The following CNTN4 variants were observed in gnomAD, a reference collection of about 807,000 sequenced individuals.
CNTN4 encodes contactin 4.
A neutral mutation model predicts 122.5 loss-of-function variants in CNTN4; 77 were observed. That is an observed-to-expected ratio of 0.63 (90% CI 0.52 to 0.76). The LOEUF (loss-of-function observed/expected upper bound fraction) is 0.76, where lower values mean the gene tolerates loss of function less well. CNTN4 is among the 30% of genes least tolerant of loss of function. The pLI, the probability that CNTN4 is intolerant of heterozygous loss-of-function variation, is 0.00. For missense variants in CNTN4, 1,256 were observed against 1,259.1 expected (o/e 1.00, Z 0.04); for synonymous variants, 512 against 447.0 (o/e 1.15, Z -1.83).
chr3:2,484,405 C>G (rs2076087980), intron 3 of CNTN4, among the ~76,000 whole-genome samples: 1 of 152,250 alleles, frequency 6.6e-6, no homozygotes, highest in African/African-American at 2.4e-5. Context: ...AGAGGAACTG[C>G]AAATGGCCTA....
intron 4 of CNTN4, among the ~76,000 whole-genome samples, chr3:2,660,594 G>C (rs1294503129): frequency 6.6e-6 from 1 of 152,206 alleles, no homozygotes; most frequent in African/African-American, 2.4e-5. Flanking sequence ...TTAAAAAAGA[G>C]AATTTAAAGC....
intron 2 of CNTN4, among the ~76,000 whole-genome samples, chr3:2,302,857 G>C (rs1200681880): frequency 7.5e-6 from 1 of 132,478 alleles, no homozygotes; most frequent in Non-Finnish European, 1.6e-5. Context: ...CAAGCACACT[G>C]TATGTGCTTC....
chr3:2,817,715 C>G (rs2092770191), intron 6 of CNTN4, among the ~76,000 whole-genome samples: 1 of 152,124 alleles, frequency 6.6e-6, no homozygotes, highest in Non-Finnish European at 1.5e-5. Flanking sequence ...ATTTTTCATG[C>G]AACTCTGGAA....
chr3:2,966,469 A>G (rs1264365591), intron 13 of CNTN4, among the ~76,000 whole-genome samples: 1 of 152,178 alleles, frequency 6.6e-6, no homozygotes, highest in East Asian at 1.9e-4. Context: ...TAGAATAACA[A>G]TTACCAGAAG....
Position 2,745,529 on chromosome 3 carries a change from T to A in CNTN4, c.190T>A (p.Leu64Ile). Residue 64 changes from leucine (L) to isoleucine (I), a missense_variant, in exon 6 of 25, where the codon TTA (leucine) becomes ATA (isoleucine). Physicochemically the swap from Leu to Ile is conservative, Grantham distance 5 (BLOSUM62 2). Coordinates refer to ENST00000418658, the MANE Select transcript of CNTN4 (RefSeq NM_175607.3). ...GGCATTTTTATACTATAGGTGGAAG[T>A]TAAATGGAACAGATGTTGACACTGG... ...GNPKPHIRWK[L>I]NGTDVDTGMD... 1 of 1,613,894 alleles carries A rather than the reference T, an allele frequency of 6.2e-7. No homozygotes were observed. Among genetic ancestry groups the A allele is most frequent in the Middle Eastern group, 1.6e-4 (1 of 6,062 alleles).
intron 3 of CNTN4, among the ~76,000 whole-genome samples, chr3:2,427,496 G>A (rs2047885711): frequency 6.6e-6 from 1 of 152,098 alleles, no homozygotes; most frequent in African/African-American, 2.4e-5. Flanking sequence ...TTCCAACTTT[G>A]TGGTCAATTT....
intron 5 of CNTN4, among the ~76,000 whole-genome samples, chr3:2,744,057 T>C (rs922254265): frequency 6.6e-6 from 1 of 152,206 alleles, no homozygotes; most frequent in African/African-American, 2.4e-5. Context: ...TCAAGAGACC[T>C]GCCTGCTTCA....
chr3:2,671,397 G>A (rs1371404127), intron 4 of CNTN4, among the ~76,000 whole-genome samples: 1 of 152,112 alleles, frequency 6.6e-6, no homozygotes, highest in Non-Finnish European at 1.5e-5. Context: ...ACTGAAGCTT[G>A]TGCGTTCGTC....
At chr3:2,471,729 T>G (rs1035084537) in intron 3 of CNTN4, among the ~76,000 whole-genome samples, 1 of 152,108 alleles carries the variant, frequency 6.6e-6, no homozygotes, top group Non-Finnish European at 1.5e-5. Context: ...TTAAAAAAGC[T>G]CTCCTCTAAA....
chr3:2,485,078 G>C (rs1181876549), intron 3 of CNTN4, among the ~76,000 whole-genome samples: 1 of 152,220 alleles, frequency 6.6e-6, no homozygotes, highest in East Asian at 1.9e-4. Context: ...GGTGCGCCGG[G>C]TCCCCCAGCA....
chr3:2,738,749 C>T (rs1159758438), intron 5 of CNTN4, among the ~76,000 whole-genome samples: 1 of 152,060 alleles, frequency 6.6e-6, no homozygotes, highest in Non-Finnish European at 1.5e-5. Flanking sequence ...GCGCAGCATA[C>T]ACAAAAATCA....
At chr3:2,290,440 G>A (rs901382817) in intron 2 of CNTN4, among the ~76,000 whole-genome samples, 2 of 152,166 alleles carry the variant, frequency 1.3e-5, no homozygotes, top group Non-Finnish European at 2.9e-5. Context: ...TGTTAATGAA[G>A]TACTTAGTAA....
At chr3:2,337,198 C>T (rs983718094) in intron 2 of CNTN4, among the ~76,000 whole-genome samples, 2 of 152,108 alleles carry the variant, frequency 1.3e-5, no homozygotes, top group African/African-American at 2.4e-5. Flanking sequence ...CTGATAAATG[C>T]ATTCATGATA....
At chr3:2,405,229 A>G (rs2046990247) in intron 3 of CNTN4, among the ~76,000 whole-genome samples, 4 of 152,174 alleles carry the variant, frequency 2.6e-5, no homozygotes, top group African/African-American at 9.7e-5. Context: ...CTTGGTCAGT[A>G]TGGTACATAT....
chr3:2,156,284 A>G (rs2035715309), intron 2 of CNTN4, among the ~76,000 whole-genome samples: 1 of 152,208 alleles, frequency 6.6e-6, no homozygotes, highest in East Asian at 1.9e-4. Context: ...GAACCTTGGA[A>G]GCCCAAGTGC....
chr3:2,639,006 CTACAATCTATTT>C (rs1408626468), intron 4 of CNTN4, among the ~76,000 whole-genome samples: 2 of 152,122 alleles, frequency 1.3e-5, no homozygotes, highest in Non-Finnish European at 2.9e-5. Context: ...CTTTTACTCC[CTACAATCTATTT>C]TACAATTTGG....
At chr3:2,566,153 C>T (rs1181580968) in intron 3 of CNTN4, among the ~76,000 whole-genome samples, 1 of 152,106 alleles carries the variant, frequency 6.6e-6, no homozygotes, top group Non-Finnish European at 1.5e-5. Context: ...AGAAGGACAA[C>T]ATGAAAAGCC....
intron 2 of CNTN4, among the ~76,000 whole-genome samples, chr3:2,266,891 A>G (rs1042870481): frequency 6.6e-6 from 1 of 152,122 alleles, no homozygotes; most frequent in Non-Finnish European, 1.5e-5. Flanking sequence ...CTTCAATACT[A>G]AAACCAGTGA....
chr3:2,262,950 T>A (rs560857609), intron 2 of CNTN4, among the ~76,000 whole-genome samples: 1 of 152,190 alleles, frequency 6.6e-6, no homozygotes, highest in Non-Finnish European at 1.5e-5. Context: ...ATAGTCACAT[T>A]CCAAGCAGAA....
Sources: allele counts gnomAD v4.1 joint callset (sites outside exome capture counted in the v4.1 genomes callset), GRCh38; gene constraint gnomAD v4.1.1; transcripts MANE v1.5; gene names NCBI Gene and HGNC (gene_info 2026-07-23, HGNC 2026-07-21).